The following PRKCI variants were observed in gnomAD, a reference collection of about 807,000 sequenced individuals.
The protein encoded by PRKCI is protein kinase C iota.
Under a neutral mutation model 84.0 loss-of-function variants are expected in PRKCI, and 43 were observed. That is an observed-to-expected ratio of 0.51 (90% CI 0.40 to 0.66). PRKCI has a LOEUF of 0.66. PRKCI is among the 30% of genes least tolerant of loss of function. The probability of loss-of-function intolerance (pLI) is 0.00; values close to 1 mark genes in which losing one functional copy is unlikely to be tolerated. For missense variants in PRKCI, 459 were observed against 745.6 expected (o/e 0.62, Z 4.48); for synonymous variants, 216 against 234.4 (o/e 0.92, Z 0.72).
intron 8 of PRKCI, among the ~76,000 whole-genome samples, chr3:170,277,378 T>C (rs1734141274): frequency 6.6e-6 from 1 of 151,832 alleles, no homozygotes; most frequent in South Asian, 2.1e-4. Flanking sequence ...AAAACCACAG[T>C]GAGATACCAT....
At chr3:170,264,060 A>G (rs186288067) in intron 4 of PRKCI, among the ~76,000 whole-genome samples, 1 of 152,172 alleles carries the variant, frequency 6.6e-6, no homozygotes, top group Non-Finnish European at 1.5e-5. Context: ...ATACCTATAT[A>G]TCCTTTGCCC....
intron 2 of PRKCI, among the ~76,000 whole-genome samples, chr3:170,240,790 C>T (rs184673020): frequency 5.9e-5 from 9 of 152,322 alleles, no homozygotes; most frequent in African/African-American, 2.2e-4. Flanking sequence ...AAGTAAAGAT[C>T]TTAAGCTTAC....
At chr3:170,239,998 A>G (rs749265102) in intron 2 of PRKCI, among the ~76,000 whole-genome samples, 4 of 152,098 alleles carry the variant, frequency 2.6e-5, no homozygotes, top group Non-Finnish European at 5.9e-5. Context: ...CCTACAAAAA[A>G]AATTTTTTTT....
At chr3:170,302,903 G>A in intron 17 of PRKCI, 137 bp from the exon 18 acceptor site, 1 of 548,982 alleles carries the variant, frequency 1.8e-6, no homozygotes. Context: ...TAGAAAATCT[G>A]GGGGATTAAT....
intron 1 of PRKCI, among the ~76,000 whole-genome samples, chr3:170,224,039 T>C (rs111378709): frequency 0.08 from 12,072 of 150,452 alleles, 1,316 homozygotes; most frequent in African/African-American, 0.25. Context: ...TTACATTAGG[T>C]ATATCTCCTA....
At chr3:170,275,110 A>C in intron 7 of PRKCI, 119 bp from the exon 8 acceptor site, 1 of 1,223,242 alleles carries the variant, frequency 8.2e-7, no homozygotes, top group Non-Finnish European at 1.1e-6. Context: ...TTTATTCAGA[A>C]GTAAAAACTA....
At chr3:170,235,083 A>T (rs1161462191) in intron 1 of PRKCI, 147 bp from the exon 2 acceptor site, 2 of 852,602 alleles carry the variant, frequency 2.3e-6, no homozygotes, top group Non-Finnish European at 3.5e-6. Context: ...TTTAATTTTT[A>T]CTTGAATGAA....
rs1025154479 is a variant in PRKCI, at chr3:170,263,392, A to G, written c.327A>G (p.Val109=). The G allele has an allele frequency of 1.9e-6, 3 of 1,603,066 alleles. No homozygotes were observed. The highest frequency in any genetic ancestry group is 2.6e-6 in the Non-Finnish European group (3 of 1,170,098). Residue 109 remains valine (V), a synonymous_variant, in exon 4 of 18, where the codon GTA becomes GTG. Coordinates refer to ENST00000295797, the MANE Select transcript of PRKCI (RefSeq NM_002740.6). ...ATTTTCTTTCAGTGTTCCCTTGTGT[A>G]CCAGAACGTCCTGGGATGCCTTGTC... The part of the protein sequence containing the change: ...SELLIHVFPC[V]PERPGMPCPG...
rs533960486 is a variant in PRKCI, at chr3:170,292,965, C to T, written c.1292-418C>T. Among the ~76,000 whole-genome samples, 11 of 148,460 alleles carry T rather than the reference C, an allele frequency of 7.4e-5. 1 individual carries two copies. The South Asian group carries it at 8.6e-4, about 12-fold the overall frequency. On this transcript the variant is annotated intron_variant, in intron 13 of 17. Transcript: ENST00000295797. ...CCGAGGCAGGAGAATGGCGTGAACC[C>T]GGGAGGTGGAGCTTGCAGTGAGCCG...
chr3:170,241,633 G>A (rs1733134732), intron 2 of PRKCI, among the ~76,000 whole-genome samples: 4 of 152,056 alleles, frequency 2.6e-5, no homozygotes, highest in Non-Finnish European at 4.4e-5. Flanking sequence ...ATGCTACAGC[G>A]TAGTTCACCT....
intron 8 of PRKCI, among the ~76,000 whole-genome samples, chr3:170,279,450 T>C (rs1734193790): frequency 6.6e-6 from 1 of 152,228 alleles, no homozygotes; most frequent in Non-Finnish European, 1.5e-5. Flanking sequence ...TTGCTTTTCT[T>C]GGTATTCTTC....
intron 2 of PRKCI, among the ~76,000 whole-genome samples, chr3:170,238,516 T>C (rs1280433316): frequency 6.6e-6 from 1 of 151,946 alleles, no homozygotes; most frequent in African/African-American, 2.4e-5. Context: ...TGTTTCATGA[T>C]TAATCCCTTA....
In PRKCI at chr3:170,288,487, G is replaced by C. The variant is rs541406614; in HGVS notation, c.1204-3367G>C. 2.6e-5 allele frequency among the ~76,000 whole-genome samples: 4 copies of C among 151,964 alleles called. No individual in the cohort carries two copies. In the East Asian group the frequency reaches 7.8e-4, roughly 30 times the overall value. On this transcript the variant is annotated intron_variant, in intron 12 of 17. Transcript: ENST00000295797. ...GCCTAGGGCGGGTGCAGTGGCTCACGCCTATAATTCCAGCACTTTGGGAGG... is the reference window on the plus strand; with the variant it reads ...GCCTAGGGCGGGTGCAGTGGCTCACCCCTATAATTCCAGCACTTTGGGAGG...
Position 170,222,625 on chromosome 3 carries a change from C to G in PRKCI, c.-45C>G. ...AGTCCCCCACGGCGCCCGAAGCGCC[C>G]CCCCGCACCCCCGGCCTCCAGCGTT... On this transcript the variant is annotated 5_prime_UTR_variant, in exon 1 of 18. Coordinates refer to ENST00000295797, the MANE Select transcript of PRKCI (RefSeq NM_002740.6). The G allele has an allele frequency of 1.3e-6, 2 of 1,495,552 alleles. No individual in the cohort carries two copies. The highest frequency in any genetic ancestry group is 5.5e-5 in the East Asian group (2 of 36,406). The allele number at this position is 1,495,552 out of a possible 1,614,324, so 92.6% of individuals were successfully genotyped here.
chr3:170,263,468 C>G, intron 4 of PRKCI, 39 bp downstream of exon 4: 1 of 1,495,712 alleles, frequency 6.7e-7, no homozygotes, highest in Non-Finnish European at 9.3e-7. Flanking sequence ...ACAAGAGTTA[C>G]TATGCTATGG....
intron 2 of PRKCI, among the ~76,000 whole-genome samples, chr3:170,245,949 GTTTTTTTTTTTT>G (rs112482352): frequency 1.2e-5 from 1 of 82,462 alleles, no homozygotes; most frequent in African/African-American, 4.9e-5. Context: ...TTATGTCTTT[GTTTTTTTTTTTT>G]TTTTTTTTTC....
rs139464453 is a variant in PRKCI at position 170,284,545 on chromosome 3, A to G, written c.1152A>G (p.Val384=). The change falls in exon 12 of 18, where the codon GTA becomes GTG. Residue 384 remains valine, a synonymous_variant. Transcript: ENST00000295797. The part of the protein sequence containing the change: ...IIYRDLKLDN[V]LLDSEGHIKL... ...ATAGAGATTTGAAACTGGACAATGTATTACTGGACTCTGAAGGCCACATTA... is the reference window on the plus strand; with the variant it reads ...ATAGAGATTTGAAACTGGACAATGTGTTACTGGACTCTGAAGGCCACATTA... 2.6e-4 allele frequency: 425 copies of G among 1,613,206 alleles called. 4 individuals are homozygous for G. The highest frequency in any genetic ancestry group is 2.5e-3 in the Middle Eastern group (15 of 5,972).
At position 170,228,614 on chromosome 3, in the gene PRKCI, TATAC is replaced by T. The variant is rs762684223; in HGVS notation, c.101+5846_101+5849del. On this transcript the variant is annotated intron_variant, in intron 1 of 17. Transcript: ENST00000295797. ...ATACACACACACAAATATATATATA[TATAC>T]ACACACACACACACACACACACATA... Among the ~76,000 whole-genome samples the T allele has an allele frequency of 6.8e-4, 87 of 127,236 alleles. 1 individual carries two copies. Among genetic ancestry groups the T allele is most frequent in the South Asian group, 3.0e-3 (11 of 3,620 alleles). 83.5% of individuals were successfully genotyped at this position (127,236 alleles called of 152,430 possible). A position where few individuals can be genotyped will look rare whatever the true frequency, so the allele number is the denominator to read the frequency against.
chr3:170,261,883 T>TGTC (rs1553841002), intron 3 of PRKCI, among the ~76,000 whole-genome samples: 1 of 152,232 alleles, frequency 6.6e-6, no homozygotes, highest in Non-Finnish European at 1.5e-5. Flanking sequence ...CTATTTTTTT[T>TGTC]GTCATCTCTT....
Sources: gnomAD v4.1 joint callset for allele counts (sites outside exome capture counted in the v4.1 genomes callset) on GRCh38, gnomAD v4.1.1 for gene constraint, MANE v1.5 for transcripts, NCBI Gene and HGNC (gene_info 2026-07-23, HGNC 2026-07-21) for gene names.